The following ALDH3A2 variants were observed in gnomAD, a reference collection of about 807,000 sequenced individuals.
ALDH3A2 encodes the protein aldehyde dehydrogenase family 3 member A2.
A neutral mutation model predicts 51.3 loss-of-function variants in ALDH3A2; 36 were observed. The ratio of observed to expected loss-of-function variants is 0.70; its 90% CI spans 0.54 to 0.93. ALDH3A2 has a LOEUF of 0.93. ALDH3A2 is among the 40% of genes least tolerant of loss of function. ALDH3A2 has a pLI of 0.00. For missense variants in ALDH3A2, 552 were observed against 603.1 expected (o/e 0.92, Z 0.89); for synonymous variants, 199 against 219.8 (o/e 0.91, Z 0.84).
chr17:19,653,496 C>T (rs568530956), intron 3 of ALDH3A2, among the ~76,000 whole-genome samples: 2 of 152,124 alleles, frequency 1.3e-5, no homozygotes. Context: ...CTGGTGGGTT[C>T]GTGGTCTTGC....
intron 4 of ALDH3A2, among the ~76,000 whole-genome samples, 177 bp from the exon 5 acceptor site, chr17:19,657,568 T>G (rs1839962509): frequency 6.6e-6 from 1 of 152,248 alleles, no homozygotes; most frequent in Non-Finnish European, 1.5e-5. Flanking sequence ...ATTTGGAAAA[T>G]ACTTTCTAAG....
rs957080735 is a variant in ALDH3A2 at position 19,652,459 on chromosome 17, C to T, written c.386-88C>T. The T allele has an allele frequency of 1.6e-5, 15 of 954,440 alleles. No individual in the cohort carries two copies. The African/African-American group carries it at 1.9e-4, about 12-fold the overall frequency. The allele number at this position is 954,440 out of a possible 1,614,324, so 59.1% of individuals were successfully genotyped here. A position where few individuals can be genotyped will look rare whatever the true frequency, so the allele number is the denominator to read the frequency against. On this transcript the variant is annotated intron_variant, in intron 2 of 9. Transcript: ENST00000176643. ...AGAGCTGCAGAAATAATTGGGAGTA[C>T]CTAGCCTGTTCTTCCCACTGAACAT...
chr17:19,668,309 G>A (rs368482923), intron 8 of ALDH3A2, among the ~76,000 whole-genome samples: 2 of 151,978 alleles, frequency 1.3e-5, no homozygotes, highest in Admixed American at 1.3e-4. Flanking sequence ...GTGCAATGGC[G>A]CGACCTCGGT....
chr17:19,661,104 T>A, intron 5 of ALDH3A2, 23 bp from the exon 6 acceptor site: 1 of 1,602,732 alleles, frequency 6.2e-7, no homozygotes, highest in Non-Finnish European at 8.5e-7. Context: ...GTGACATTTA[T>A]ATACTCCTGT....
In ALDH3A2 at chr17:19,661,129, A is replaced by G. The variant is rs2152329942; in HGVS notation, c.801A>G (p.Glu267=). 6.2e-7 allele frequency: 1 copy of G among 1,610,278 alleles called. No homozygotes were observed. Among genetic ancestry groups the G allele is most frequent in the Non-Finnish European group, 8.5e-7 (1 of 1,176,568 alleles). ...IVWKIKETVK[E]FYGENIKESP... ...TATACTCCTGTTGTTTTAAATAGGA[A>G]TTTTATGGAGAAAATATAAAAGAGT... Residue 267 remains glutamate (E), a splice_region_variant and synonymous_variant, in exon 6 of 10, where the codon GAA becomes GAG. Transcript: ENST00000176643.
Position 19,671,918 on chromosome 17 carries a change from C to G in ALDH3A2, c.1405C>G (p.Leu469Val), listed in dbSNP as rs1457535145. The G allele has an allele frequency of 6.2e-7, 1 of 1,614,204 alleles. No individual in the cohort carries two copies. The highest frequency in any genetic ancestry group is 1.3e-5 in the African/African-American group (1 of 75,064). Residue 469 changes from leucine to valine, a missense_variant, in exon 9 of 10, where the codon CTC becomes GTC. By Grantham distance (32) the Leu-to-Val change is conservative. Coordinates refer to ENST00000176643, the MANE Select transcript of ALDH3A2 (RefSeq NM_000382.3). ...FNKEKLGLLL[L>V]TFLGIVAAVL... ...CAAAGAAAAACTCGGTCTCCTGTTGCTCACTTTCCTGGGTATTGTAGCCGC... is the reference window on the plus strand; with the variant it reads ...CAAAGAAAAACTCGGTCTCCTGTTGGTCACTTTCCTGGGTATTGTAGCCGC...
chr17:19,659,247 T>C (rs1025678652), intron 5 of ALDH3A2, among the ~76,000 whole-genome samples: 1 of 151,338 alleles, frequency 6.6e-6, no homozygotes, highest in African/African-American at 2.4e-5. Flanking sequence ...AAAAAAGATA[T>C]GAAAATTGTC....
At chr17:19,672,270 C>T (rs1011435748) in intron 9 of ALDH3A2, 1 of 406,816 alleles carries the variant, frequency 2.5e-6, no homozygotes, top group South Asian at 2.6e-5. Flanking sequence ...ATTAAAACAG[C>T]GTAGAACTTG....
rs1301568228 is a variant in ALDH3A2 at position 19,654,999 on chromosome 17, A to C, written c.472-1367A>C. 6.6e-6 allele frequency among the ~76,000 whole-genome samples: 1 copy of C among 152,216 alleles called. No individual in the cohort carries two copies. Among genetic ancestry groups the C allele is most frequent in the African/African-American group, 2.4e-5 (1 of 41,464 alleles). On this transcript the variant is annotated intron_variant, in intron 3 of 9. Coordinates refer to ENST00000176643, the MANE Select transcript of ALDH3A2 (RefSeq NM_000382.3). This position sits in a 1 kb window ranked among gnomAD's most constrained non-coding sequence, Gnocchi z 4.5. ...CCTCACACTGACTTAACATGCTGGC[A>C]TTTAAGAATATCAAGAACTGAATAA...
rs1262440828 is a variant in ALDH3A2, at chr17:19,657,925, C to A, written c.798+63C>A. On this transcript the variant is annotated intron_variant, in intron 5 of 9. Transcript: ENST00000176643. ...AAGATAAGGAGTCAAATTAACTATT[C>A]GCAGGCAGCATCCCCATTTGTTTCT... is the stretch of plus-strand genomic sequence containing the variant. The A allele has an allele frequency of 1.2e-5, 16 of 1,293,600 alleles. No individual in the cohort carries two copies. In the Middle Eastern group the frequency reaches 5.4e-4, roughly 44 times the overall value. The allele number at this position is 1,293,600 out of a possible 1,614,324, so 80.1% of individuals were successfully genotyped here. A position where few individuals can be genotyped will look rare whatever the true frequency, so the allele number is the denominator to read the frequency against.
intron 8 of ALDH3A2, among the ~76,000 whole-genome samples, chr17:19,665,409 G>T (rs1054337536): frequency 1.4e-5 from 2 of 139,762 alleles, no homozygotes; most frequent in African/African-American, 2.9e-5. Context: ...GTGTGTGTGT[G>T]GTGTGTGTGT....
intron 8 of ALDH3A2, among the ~76,000 whole-genome samples, chr17:19,667,333 A>AT (rs1397090104): frequency 3.3e-5 from 5 of 151,960 alleles, no homozygotes; most frequent in Non-Finnish European, 5.9e-5. Flanking sequence ...TGTGATTTCA[A>AT]TTTTTTTGGT....
intron 8 of ALDH3A2, among the ~76,000 whole-genome samples, chr17:19,671,100 G>T (rs1015824757): frequency 2.0e-5 from 3 of 152,194 alleles, no homozygotes; most frequent in Non-Finnish European, 4.4e-5. Context: ...TTAGAGAAAT[G>T]AAACTGTCAC....
At chr17:19,669,902 C>T (rs905961499) in intron 8 of ALDH3A2, among the ~76,000 whole-genome samples, 32 of 151,952 alleles carry the variant, frequency 2.1e-4, no homozygotes, top group African/African-American at 7.5e-4. Flanking sequence ...AGCCTCCCAA[C>T]GTGCTGGGAT....
intron 8 of ALDH3A2, among the ~76,000 whole-genome samples, chr17:19,667,040 A>T (rs1390484451): frequency 2.0e-5 from 3 of 152,144 alleles, no homozygotes; most frequent in Non-Finnish European, 4.4e-5. Context: ...CTTGGAAAAG[A>T]TAGAAGAGCC....
chr17:19,665,900 G>T (rs1288934614), intron 8 of ALDH3A2, among the ~76,000 whole-genome samples: 3 of 152,124 alleles, frequency 2.0e-5, no homozygotes, highest in African/African-American at 7.2e-5. Context: ...TTGCTCCATG[G>T]GATGCGATGG....
Position 19,651,722 on chromosome 17 carries a change from C to T in ALDH3A2, c.329C>T (p.Ala110Val), listed in dbSNP as rs763232206. The change falls in exon 2 of 10, where the codon GCT (alanine) becomes GTT (valine). Residue 110 changes from alanine to valine, a missense_variant. Ala to Val is a moderately conservative substitution (Grantham distance 64). Coordinates refer to ENST00000176643, the MANE Select transcript of ALDH3A2 (RefSeq NM_000382.3). ...QPLGVVLIIG[A>V]WNYPFVLTIQ... is the part of the protein sequence containing the mutation. ...CTGGGAGTGGTGCTGATAATCGGAG[C>T]TTGGAATTACCCCTTCGTTCTCACC... The T allele has an allele frequency of 1.2e-6, 2 of 1,614,200 alleles. No homozygotes were observed. Among genetic ancestry groups the T allele is most frequent in the Non-Finnish European group, 1.7e-6 (2 of 1,180,044 alleles).
chr17:19,664,376 A>G (rs1341817435), intron 7 of ALDH3A2, among the ~76,000 whole-genome samples: 1 of 152,156 alleles, frequency 6.6e-6, no homozygotes, highest in Non-Finnish European at 1.5e-5. Context: ...GCCATGAACA[A>G]TTGTCAAGGG....
intron 8 of ALDH3A2, among the ~76,000 whole-genome samples, chr17:19,668,524 A>G (rs1238236590): frequency 6.6e-6 from 1 of 152,148 alleles, no homozygotes; most frequent in Non-Finnish European, 1.5e-5. Context: ...CTGGGATTAC[A>G]GGCATGAGCC....
Sources: gnomAD v4.1 joint callset for allele counts (sites outside exome capture counted in the v4.1 genomes callset) on GRCh38, gnomAD v4.1.1 for gene constraint, Gnocchi (gnomAD v3.1) non-coding constraint, MANE v1.5 for transcripts, NCBI Gene and HGNC (gene_info 2026-07-23, HGNC 2026-07-21) for gene names.